The following BRINP1 variants were observed in gnomAD, a reference collection of about 807,000 sequenced individuals.
BRINP1 encodes the protein BMP/retinoic acid inducible neural specific 1.
In BRINP1, 17 loss-of-function variants were observed where a neutral mutation model predicts 72.9. That is an observed-to-expected ratio of 0.23 (90% CI 0.16 to 0.35). The LOEUF is 0.35. BRINP1 is among the 10% of genes least tolerant of loss of function. The pLI, the probability that BRINP1 is intolerant of heterozygous loss-of-function variation, is 1.00. For missense variants in BRINP1, 850 were observed against 1,001.6 expected (o/e 0.85, Z 2.04); for synonymous variants, 418 against 378.5 (o/e 1.10, Z -1.21).
chr9:119,358,560 G>T (rs150852831), intron 1 of BRINP1, among the ~76,000 whole-genome samples: 16,462 of 152,178 alleles, frequency 0.11, 1,167 homozygotes, highest in Middle Eastern at 0.15. Context: ...CGGGCATGGC[G>T]GCGTGTGCCT....
chr9:119,313,017 G>A (rs1374152787), intron 2 of BRINP1, 121 bp downstream of exon 2: 4 of 1,115,896 alleles, frequency 3.6e-6, no homozygotes, highest in Non-Finnish European at 5.0e-6. Context: ...ACAGCTTGTG[G>A]AAGGAGCACA....
chr9:119,200,636 G>GAAAAAAAAAAAAAAAAAAAAAAAAAA (rs774466695), intron 7 of BRINP1, among the ~76,000 whole-genome samples: 1 of 121,208 alleles, frequency 8.3e-6, no homozygotes. Context: ...GAAAAAAAAA[G>GAAAAAAAAAAAAAAAAAAAAAAAAAA]AAAAAAAAAA....
At chr9:119,217,783 C>A (rs1829994360) in intron 5 of BRINP1, among the ~76,000 whole-genome samples, 1 of 152,080 alleles carries the variant, frequency 6.6e-6, no homozygotes, top group Non-Finnish European at 1.5e-5. Flanking sequence ...TATTTCCTTG[C>A]CTCCCTCCTT....
At chr9:119,188,409 A>G (rs902934515) in intron 7 of BRINP1, among the ~76,000 whole-genome samples, 10 of 152,214 alleles carry the variant, frequency 6.6e-5, no homozygotes, top group Admixed American at 5.9e-4. Flanking sequence ...AAGAGGAAAT[A>G]AAGTCTTTCC....
intron 5 of BRINP1, among the ~76,000 whole-genome samples, chr9:119,227,983 ACTTT>A (rs1830109540): frequency 6.6e-6 from 1 of 151,886 alleles, no homozygotes; most frequent in Non-Finnish European, 1.5e-5. Flanking sequence ...TTTCTCCTAC[ACTTT>A]CTTTTTCTAC....
chr9:119,169,769 T>C (rs373812070), intron 7 of BRINP1, among the ~76,000 whole-genome samples: 100 of 152,314 alleles, frequency 6.6e-4, no homozygotes, highest in African/African-American at 1.1e-3. Flanking sequence ...TCTCCCAGCA[T>C]GCAGCTGGAG....
At chr9:119,278,821 G>A (rs540608088) in intron 2 of BRINP1, among the ~76,000 whole-genome samples, 6 of 152,264 alleles carry the variant, frequency 3.9e-5, no homozygotes, top group African/African-American at 1.4e-4. Flanking sequence ...CCAGGAGGCA[G>A]AAGTTGCAGT....
At chr9:119,239,182 A>G (rs1830221899) in intron 4 of BRINP1, among the ~76,000 whole-genome samples, 1 of 152,264 alleles carries the variant, frequency 6.6e-6, no homozygotes, top group Non-Finnish European at 1.5e-5. Flanking sequence ...AATCTCTTCC[A>G]GAGAGGTTGT....
At chr9:119,351,892 C>G (rs530483241) in intron 1 of BRINP1, among the ~76,000 whole-genome samples, 102 of 151,972 alleles carry the variant, frequency 6.7e-4, no homozygotes, top group African/African-American at 2.1e-3. Context: ...TCTTGGCTCA[C>G]TGAAACCTCC....
At chr9:119,242,245 G>T (rs1243941544) in intron 3 of BRINP1, 29 bp from the exon 4 acceptor site, 3 of 1,603,406 alleles carry the variant, frequency 1.9e-6, no homozygotes, top group South Asian at 2.2e-5. Flanking sequence ...TAGATAAGAA[G>T]GTTTGTGGAG....
chr9:119,305,764 G>A (rs540921666), intron 2 of BRINP1, among the ~76,000 whole-genome samples: 2 of 152,296 alleles, frequency 1.3e-5, no homozygotes, highest in East Asian at 1.9e-4. Context: ...TGACACTGTG[G>A]TTATTTGCCT....
chr9:119,297,733 A>G (rs548645398), intron 2 of BRINP1, among the ~76,000 whole-genome samples: 1 of 152,294 alleles, frequency 6.6e-6, no homozygotes, highest in East Asian at 1.9e-4. Flanking sequence ...AACTGGCAGC[A>G]TCAGGGCTGG....
At chr9:119,364,758 G>C (rs1368911308) in intron 1 of BRINP1, among the ~76,000 whole-genome samples, 2 of 152,170 alleles carry the variant, frequency 1.3e-5, no homozygotes, top group African/African-American at 4.8e-5. Context: ...TGGAAAGAAC[G>C]ACTACATGAG....
chr9:119,242,093 G>A lies in BRINP1; in HGVS notation c.533C>T (p.Thr178Ile), dbSNP rs917654390. Residue 178 changes from threonine (T) to isoleucine (I), a missense_variant, in exon 4 of 8, where the codon ACC becomes ATC. Thr to Ile is a moderately conservative substitution (Grantham distance 89, BLOSUM62 -1). Transcript: ENST00000265922. The part of the protein sequence containing the change: ...ASSYFVDRDG[T>I]MRRLHEIQIS... The stretch of plus-strand genomic sequence containing the variant: ...CTGGATCTCATGAAGCCTCCTCATG[G>A]TACCATCACGGTCAACAAAGTAGGA... The A allele has an allele frequency of 1.9e-6, 3 of 1,614,094 alleles. No homozygotes were observed. The highest frequency in any genetic ancestry group is 1.7e-4 in the Middle Eastern group (1 of 6,030).
chr9:119,226,905 TAGAGTTTAAGAATACCAGC>T (rs1830097834), intron 5 of BRINP1, among the ~76,000 whole-genome samples: 1 of 151,970 alleles, frequency 6.6e-6, no homozygotes, highest in African/African-American at 2.4e-5. Flanking sequence ...CAAAATTATG[TAGAGTTTAAGAATACCAGC>T]ACTGAGTGGA....
At chr9:119,253,595 G>C (rs952404068) in intron 2 of BRINP1, among the ~76,000 whole-genome samples, 1 of 152,116 alleles carries the variant, frequency 6.6e-6, no homozygotes, top group African/African-American at 2.4e-5. Flanking sequence ...GTTCCCAGAG[G>C]CTGGGAAGGA....
At chr9:119,340,001 A>G (rs1048422838) in intron 1 of BRINP1, among the ~76,000 whole-genome samples, 1 of 151,800 alleles carries the variant, frequency 6.6e-6, no homozygotes, top group Non-Finnish European at 1.5e-5. Flanking sequence ...CCCCTCCCCA[A>G]GCTCCCCCTG....
At chr9:119,311,153 T>C (rs1252247343) in intron 2 of BRINP1, among the ~76,000 whole-genome samples, 1 of 152,202 alleles carries the variant, frequency 6.6e-6, no homozygotes, top group Non-Finnish European at 1.5e-5. Context: ...ACTATATTTA[T>C]TTTACTCTTC....
intron 5 of BRINP1, among the ~76,000 whole-genome samples, chr9:119,216,211 T>C (rs1829973758): frequency 6.6e-6 from 1 of 152,196 alleles, no homozygotes; most frequent in Non-Finnish European, 1.5e-5. Context: ...CTTCACATAT[T>C]TGCAGAGCTT....
Sources: gnomAD v4.1 joint callset for allele counts (sites outside exome capture counted in the v4.1 genomes callset) on GRCh38, gnomAD v4.1.1 for gene constraint, MANE v1.5 for transcripts, NCBI Gene and HGNC (gene_info 2026-07-23, HGNC 2026-07-21) for gene names.